Variants in NRG2 observed in about 807,000 individuals in gnomAD.
NRG2 encodes the protein neuregulin 2.
In NRG2, 27 loss-of-function variants were observed where a neutral mutation model predicts 73.9. That is an observed-to-expected ratio of 0.37 (90% confidence interval 0.27 to 0.50). The LOEUF (loss-of-function observed/expected upper bound fraction) is 0.50. NRG2 is among the 20% of genes least tolerant of loss of function. NRG2 has a pLI of 0.96. For synonymous variants in NRG2, 532 were observed against 541.0 expected, an observed-to-expected ratio of 0.98 and a Z score of 0.23; for missense variants, 1,126 against 1,210.1, an observed-to-expected ratio of 0.93 and a Z score of 1.03.
intron 1 of NRG2, among the ~76,000 whole-genome samples, chr5:139,938,948 AGAAAGAAAGAAAAAAG>A (rs1580775740): frequency 1.4e-5 from 2 of 140,788 alleles, no homozygotes; most frequent in East Asian, 2.1e-4. Flanking sequence ...AAAGAAAGAA[AGAAAGAAAGAAAAAAG>A]AAGGAAGGAA....
intron 1 of NRG2, among the ~76,000 whole-genome samples, chr5:139,990,016 CT>C (rs1191048081): frequency 2.0e-5 from 3 of 151,336 alleles, no homozygotes; most frequent in Non-Finnish European, 4.4e-5. Context: ...TCTTGATCTC[CT>C]GACCTTGTGA....
intron 5 of NRG2, among the ~76,000 whole-genome samples, chr5:139,862,383 T>C (rs975538815): frequency 3.9e-5 from 6 of 152,208 alleles, no homozygotes; most frequent in Non-Finnish European, 8.8e-5. Flanking sequence ...GAGGGGCCTA[T>C]GGCTGTGTCC....
chr5:139,868,753 G>A lies in NRG2; in HGVS notation c.1112+2968C>T, dbSNP rs982510823. The stretch of plus-strand genomic sequence containing the variant: ...TGGATGAAGGATGGCGGTGTGCCCC[G>A]GGCACTGGAGGGAGTGAAGGGCCTC... On this transcript the variant is annotated intron_variant, in intron 4 of 9. Coordinates refer to ENST00000361474, the MANE Select transcript of NRG2 (RefSeq NM_004883.3). This position sits in a 1 kb window ranked among gnomAD's most constrained non-coding sequence, Gnocchi z 4.2. Among the ~76,000 whole-genome samples, 3 of 152,194 alleles carry A rather than the reference G, an allele frequency of 2.0e-5. No homozygotes were observed. Among genetic ancestry groups the A allele is most frequent in the Non-Finnish European group, 2.9e-5 (2 of 67,998 alleles).
intron 1 of NRG2, among the ~76,000 whole-genome samples, chr5:139,997,588 T>C (rs1481217918): frequency 6.6e-6 from 1 of 152,206 alleles, no homozygotes; most frequent in East Asian, 1.9e-4. Flanking sequence ...AATCCTAGAC[T>C]GAGGACAGAC....
Position 139,880,865 on chromosome 5 carries a change from C to G in NRG2, c.982G>C (p.Val328Leu), listed in dbSNP as rs1322628994. 6.2e-7 allele frequency: 1 copy of G among 1,613,898 alleles called. No homozygotes were observed. The highest frequency in any genetic ancestry group is 1.3e-5 in the African/African-American group (1 of 75,056). ...GKDTVRGRLY[V>L]NSVSTTLSSW... is the part of the protein sequence containing the mutation. Reference sequence around the variant, plus strand: ...GTCTGGGCCCACCTACCGCTGTTGACGTAAAGCCGGCCCCGGACGGTGTCC... The same window carrying G: ...GTCTGGGCCCACCTACCGCTGTTGAGGTAAAGCCGGCCCCGGACGGTGTCC... Residue 328 changes from valine to leucine, a missense_variant, in exon 3 of 10, where the codon GTC becomes CTC. Val to Leu is a conservative substitution (Grantham distance 32). This residue lies in a region of NRG2 where 539 missense variants were observed against 703.2 expected (regional missense o/e 0.77). Transcript: ENST00000361474.
intron 1 of NRG2, among the ~76,000 whole-genome samples, chr5:139,989,758 TTTATTA>T (rs35774960): frequency 6.8e-5 from 10 of 147,562 alleles, no homozygotes; most frequent in African/African-American, 2.2e-4. Context: ...TTGCTAGGTT[TTTATTA>T]TTATTATTAT....
intron 1 of NRG2, among the ~76,000 whole-genome samples, chr5:140,005,584 CAG>C (rs1758831727): frequency 6.6e-6 from 1 of 152,236 alleles, no homozygotes; most frequent in Non-Finnish European, 1.5e-5. Context: ...TATTCTTGGA[CAG>C]AGACAGCCAT....
At chr5:140,029,705 C>G (rs368535151) in intron 1 of NRG2, among the ~76,000 whole-genome samples, 11 of 109,490 alleles carry the variant, frequency 1.0e-4, no homozygotes, top group African/African-American at 3.7e-4. Context: ...AAAAAAAAAG[C>G]TCCAGCGTGC....
chr5:139,989,697 A>G (rs974816681), intron 1 of NRG2, among the ~76,000 whole-genome samples: 10 of 151,798 alleles, frequency 6.6e-5, no homozygotes, highest in Non-Finnish European at 1.5e-4. Context: ...ATTCCACTGT[A>G]GTTATGGATT....
chr5:139,942,073 CA>C (rs1753440911), intron 1 of NRG2, among the ~76,000 whole-genome samples: 1 of 152,096 alleles, frequency 6.6e-6, no homozygotes, highest in South Asian at 2.1e-4. Context: ...GTAGTTTTTT[CA>C]TCCAGAAAAA....
intron 1 of NRG2, among the ~76,000 whole-genome samples, chr5:139,893,936 C>T (rs1343889046): frequency 6.6e-6 from 1 of 152,226 alleles, no homozygotes; most frequent in African/African-American, 2.4e-5. Flanking sequence ...CTCCTGGTGC[C>T]AAGCCAGGGC....
intron 1 of NRG2, among the ~76,000 whole-genome samples, chr5:140,037,729 G>A (rs1761608490): frequency 6.6e-6 from 1 of 151,824 alleles, no homozygotes; most frequent in Non-Finnish European, 1.5e-5. Context: ...CCAAGATGGT[G>A]AAAACCCGTC....
At chr5:139,962,937 G>A (rs1755191954) in intron 1 of NRG2, among the ~76,000 whole-genome samples, 1 of 152,154 alleles carries the variant, frequency 6.6e-6, no homozygotes. Flanking sequence ...CTGGTTCATA[G>A]GCAATATGGA....
intron 1 of NRG2, among the ~76,000 whole-genome samples, chr5:139,975,715 G>A (rs1756333821): frequency 6.6e-6 from 1 of 152,200 alleles, no homozygotes; most frequent in Non-Finnish European, 1.5e-5. Flanking sequence ...TTCCTTTGCA[G>A]ATGGTAGTGA....
chr5:139,993,595 T>C (rs915379948), intron 1 of NRG2, among the ~76,000 whole-genome samples: 2 of 152,234 alleles, frequency 1.3e-5, no homozygotes, highest in African/African-American at 4.8e-5. Flanking sequence ...GGAATTATCC[T>C]GTCCACTTAT....
rs149005329 is a variant in NRG2, at chr5:139,867,425, T to C, written c.1113-1800A>G. Among the ~76,000 whole-genome samples, 633 of 152,026 alleles carry C rather than the reference T, an allele frequency of 4.2e-3. 7 individuals carry two copies. The highest frequency in any genetic ancestry group is 0.014 in the African/African-American group (582 of 41,420). ...TGGTCGTCTTACTGAACAGGGTGGT[T>C]TGGAGGAGGAGACTGCCATCAGCCC... On this transcript the variant is annotated intron_variant, in intron 4 of 9. Coordinates refer to ENST00000361474, the MANE Select transcript of NRG2 (RefSeq NM_004883.3).
intron 1 of NRG2, among the ~76,000 whole-genome samples, chr5:139,958,585 T>C (rs1754816521): frequency 6.6e-6 from 1 of 152,178 alleles, no homozygotes; most frequent in Non-Finnish European, 1.5e-5. Flanking sequence ...AGGGGTTTTT[T>C]ACTCTATCTT....
At chr5:139,859,596 G>A (rs1762014229) in intron 5 of NRG2, among the ~76,000 whole-genome samples, 1 of 152,014 alleles carries the variant, frequency 6.6e-6, no homozygotes, top group Non-Finnish European at 1.5e-5. Flanking sequence ...TCAGGAGGGG[G>A]CCCTCCCCTC....
chr5:140,011,725 A>G (rs930342445), intron 1 of NRG2, among the ~76,000 whole-genome samples: 1 of 152,140 alleles, frequency 6.6e-6, no homozygotes, highest in Non-Finnish European at 1.5e-5. Context: ...CTGACACCTT[A>G]TTTGTAGCCT....
Sources: allele counts gnomAD v4.1 joint callset (sites outside exome capture counted in the v4.1 genomes callset), GRCh38; gene constraint gnomAD v4.1.1; regional missense constraint gnomAD v4.1.1; non-coding constraint Gnocchi (gnomAD v3.1); transcripts MANE v1.5; gene names NCBI Gene and HGNC (gene_info 2026-07-23, HGNC 2026-07-21).